Variants in DLG2 observed in about 807,000 individuals in gnomAD.
DLG2 encodes disks large homolog 2.
In DLG2, 45 loss-of-function variants were observed where a neutral mutation model predicts 132.5. The ratio of observed to expected loss-of-function variants is 0.34; its 90% CI spans 0.27 to 0.44. The LOEUF is 0.44. DLG2 is among the 20% of genes least tolerant of loss of function. The pLI, the probability that DLG2 is intolerant of heterozygous loss-of-function variation, is 1.00. For synonymous variants in DLG2, 424 were observed against 419.6 expected, an observed-to-expected ratio of 1.01 and a Z score of -0.13; for missense variants, 1,045 against 1,196.9, an observed-to-expected ratio of 0.87 and a Z score of 1.87.
intron 15 of DLG2, among the ~76,000 whole-genome samples, chr11:83,889,563 T>C (rs1489003368): frequency 6.6e-6 from 1 of 152,160 alleles, no homozygotes; most frequent in East Asian, 1.9e-4. Flanking sequence ...TCCTCAGGGA[T>C]CTAGAACTAG....
intron 11 of DLG2, among the ~76,000 whole-genome samples, chr11:84,034,811 T>C (rs1427549392): frequency 6.6e-6 from 1 of 152,228 alleles, no homozygotes; most frequent in African/African-American, 2.4e-5. Context: ...TCTGGTGTCC[T>C]GGAATTGAGT....
intron 4 of DLG2, among the ~76,000 whole-genome samples, chr11:85,202,244 A>G (rs544498314): frequency 3.2e-5 from 4 of 126,596 alleles, no homozygotes; most frequent in Admixed American, 8.5e-5. Flanking sequence ...CCAAATAAGA[A>G]TAACTTAAGA....
rs77262115 is a variant in DLG2 at position 83,870,544 on chromosome 11, C to A, written c.1565+3876G>T. On this transcript the variant is annotated intron_variant, in intron 16 of 27. Coordinates refer to ENST00000376104, the MANE Select transcript of DLG2 (RefSeq NM_001142699.3). Reference sequence around the variant, plus strand: ...CACTTAGGTTGATTAGGCTTTTTAACGGAAAGGTTTGAGGTTAAGCCAGAA... The same window carrying A: ...CACTTAGGTTGATTAGGCTTTTTAAAGGAAAGGTTTGAGGTTAAGCCAGAA... 2.5e-3 allele frequency among the ~76,000 whole-genome samples: 376 copies of A among 152,176 alleles called. 1 individual carries two copies. Among genetic ancestry groups the A allele is most frequent in the Non-Finnish European group, 4.7e-3 (318 of 67,998 alleles).
chr11:84,874,750 G>T (rs1406693473), intron 6 of DLG2, among the ~76,000 whole-genome samples: 1 of 152,146 alleles, frequency 6.6e-6, no homozygotes, highest in Admixed American at 6.5e-5. Flanking sequence ...GCCGAGCACT[G>T]TGGCTCATAT....
At chr11:84,577,683 A>G (rs2099505198) in intron 6 of DLG2, among the ~76,000 whole-genome samples, 1 of 152,256 alleles carries the variant, frequency 6.6e-6, no homozygotes, top group African/African-American at 2.4e-5. Flanking sequence ...AACGGAGCAT[A>G]AAAGTTCAGA....
chr11:83,493,336 T>TTTCTTTCCTTCC (rs1351498007), intron 21 of DLG2, among the ~76,000 whole-genome samples: 1 of 132,058 alleles, frequency 7.6e-6, no homozygotes, highest in African/African-American at 2.9e-5. Flanking sequence ...CTTTTCTTTC[T>TTTCTTTCCTTCC]TTCCTTCCTT....
At position 83,712,937 on chromosome 11, in the gene DLG2, G is replaced by T. The variant is rs182604099; in HGVS notation, c.1825+73753C>A. Among the ~76,000 whole-genome samples, 41 of 150,578 alleles carry T rather than the reference G, an allele frequency of 2.7e-4. 1 individual carries two copies. Among genetic ancestry groups the T allele is most frequent in the African/African-American group, 9.6e-4 (39 of 40,828 alleles). Reference sequence around the variant, plus strand: ...AAGTTTACCTATGTAATAAACCTGCGCATCCTGCCCATGTACCCCGGAACT... The same window carrying T: ...AAGTTTACCTATGTAATAAACCTGCTCATCCTGCCCATGTACCCCGGAACT... On this transcript the variant is annotated intron_variant, in intron 18 of 27. Coordinates refer to ENST00000376104, the MANE Select transcript of DLG2 (RefSeq NM_001142699.3).
At chr11:84,815,820 C>T (rs2077029872) in intron 6 of DLG2, among the ~76,000 whole-genome samples, 1 of 152,016 alleles carries the variant, frequency 6.6e-6, no homozygotes, top group African/African-American at 2.4e-5. Context: ...GGGTCTGGAG[C>T]TGTTAAACAT....
intron 14 of DLG2, among the ~76,000 whole-genome samples, chr11:83,951,574 G>T (rs1277180578): frequency 6.6e-6 from 1 of 152,134 alleles, no homozygotes; most frequent in Non-Finnish European, 1.5e-5. Flanking sequence ...ATGTGGATGT[G>T]GAAGGGAAAA....
At chr11:83,860,034 T>C (rs1378564032) in intron 16 of DLG2, among the ~76,000 whole-genome samples, 1 of 152,188 alleles carries the variant, frequency 6.6e-6, no homozygotes, top group African/African-American at 2.4e-5. Flanking sequence ...TGGGAACCTC[T>C]GCATAGATTT....
chr11:83,742,940 T>C (rs1672762490), intron 18 of DLG2, among the ~76,000 whole-genome samples: 1 of 152,162 alleles, frequency 6.6e-6, no homozygotes, highest in Non-Finnish European at 1.5e-5. Flanking sequence ...TAAAGTACCA[T>C]ATAGCCTAGT....
At chr11:84,638,420 C>T (rs2099644393) in intron 6 of DLG2, among the ~76,000 whole-genome samples, 1 of 152,138 alleles carries the variant, frequency 6.6e-6, no homozygotes, top group South Asian at 2.1e-4. Flanking sequence ...ATTTACATCC[C>T]ATGGCAACCT....
rs192780007 is a variant in DLG2 at position 85,081,981 on chromosome 11, G to A, written c.357+29680C>T. Reference sequence around the variant, plus strand: ...CTGAGTTTCCCCACACAGGCTACTGGCAATGATTTATACACTTGTGTTTCA... The same window carrying A: ...CTGAGTTTCCCCACACAGGCTACTGACAATGATTTATACACTTGTGTTTCA... On this transcript the variant is annotated intron_variant, in intron 6 of 27. Transcript: ENST00000376104. Among the ~76,000 whole-genome samples, 93 of 152,110 alleles carry A rather than the reference G, an allele frequency of 6.1e-4. 1 individual carries two copies. The highest frequency in any genetic ancestry group is 2.0e-3 in the African/African-American group (81 of 41,486).
intron 6 of DLG2, among the ~76,000 whole-genome samples, chr11:84,794,603 A>G (rs1251219419): frequency 6.6e-6 from 1 of 152,210 alleles, no homozygotes; most frequent in African/African-American, 2.4e-5. Flanking sequence ...TTATGGGCCC[A>G]GGTATCTCTG....
chr11:83,723,267 C>G (rs1364898709), intron 18 of DLG2, among the ~76,000 whole-genome samples: 1 of 152,146 alleles, frequency 6.6e-6, no homozygotes, highest in African/African-American at 2.4e-5. Context: ...GTAATCCCAG[C>G]TACTTGGGAG....
chr11:84,526,761 C>T (rs1200101986), intron 7 of DLG2, among the ~76,000 whole-genome samples: 1 of 149,790 alleles, frequency 6.7e-6, no homozygotes, highest in Non-Finnish European at 1.5e-5. Context: ...CAGTTTCATG[C>T]ATCCACTGGG....
At chr11:85,532,734 A>T (rs1250252044) in intron 3 of DLG2, among the ~76,000 whole-genome samples, 1 of 152,238 alleles carries the variant, frequency 6.6e-6, no homozygotes, top group Non-Finnish European at 1.5e-5. Flanking sequence ...AAAGGTAAGA[A>T]TTCTCTTATA....
At chr11:84,627,575 T>C (rs1430595663) in intron 6 of DLG2, among the ~76,000 whole-genome samples, 1 of 152,252 alleles carries the variant, frequency 6.6e-6, no homozygotes, top group Non-Finnish European at 1.5e-5. Context: ...TGGAGAAAGA[T>C]AAACCTGAGT....
chr11:84,482,670 AAAC>A (rs1049160250), intron 7 of DLG2, among the ~76,000 whole-genome samples: 2 of 152,230 alleles, frequency 1.3e-5, no homozygotes, highest in African/African-American at 4.8e-5. Flanking sequence ...TGGTAGTTCC[AAAC>A]AACAGCACAC....
Sources: gnomAD v4.1 joint callset for allele counts (sites outside exome capture counted in the v4.1 genomes callset) on GRCh38, gnomAD v4.1.1 for gene constraint, MANE v1.5 for transcripts, NCBI Gene and HGNC (gene_info 2026-07-23, HGNC 2026-07-21) for gene names.